The following AQP1 variants were observed in gnomAD, a reference collection of about 807,000 sequenced individuals.
AQP1 encodes aquaporin 1 (Colton blood group), also known as aquaporin-1.
AQP1 carries 11 observed loss-of-function variants against 19.7 expected under a neutral mutation model. That is an observed-to-expected ratio of 0.56 (90% CI 0.35 to 0.92). The LOEUF is 0.92. Among genes scored for constraint, AQP1 ranks in the 40% least tolerant of loss-of-function variants. The pLI, the probability that AQP1 is intolerant of heterozygous loss-of-function variation, is 0.01. For missense variants in AQP1, 320 were observed against 369.7 expected, an observed-to-expected ratio of 0.87 and a Z score of 1.10; for synonymous variants, 159 against 166.7, an observed-to-expected ratio of 0.95 and a Z score of 0.36.
intron 1 of AQP1, among the ~76,000 whole-genome samples, chr7:30,916,387 A>G (rs747094264): frequency 9.2e-5 from 14 of 152,268 alleles, no homozygotes; most frequent in Non-Finnish European, 1.9e-4. Context: ...AGCAGGGGCC[A>G]TGGCCCTTAC....
rs563208076 is a variant in AQP1, at chr7:30,923,365, G to A, written c.631-85G>A. 6.9e-6 allele frequency: 11 copies of A among 1,602,088 alleles called. No homozygotes were observed. In the African/African-American group the frequency reaches 1.3e-4, roughly 19 times the overall value. On this transcript the variant is annotated intron_variant, in intron 3 of 3. Coordinates refer to ENST00000311813, the MANE Select transcript of AQP1 (RefSeq NM_198098.4). The surrounding 1 kb of genome is among the most constrained non-coding windows in gnomAD (Gnocchi z 4.8). ...CCAGGTGGGAAAAACCTGTCCAACG[G>A]GGTGGTGGGCTGTGGGGTAACCTAG...
Position 30,912,064 on chromosome 7 carries a change from T to C in AQP1, c.155T>C (p.Val52Ala). ...ACGGCGGTCCAGGACAACGTGAAGG[T>C]GTCGCTGGCCTTCGGGCTGAGCATC... ...NQTAVQDNVKVSLAFGLSIAT... is the reference protein window; with the variant it reads ...NQTAVQDNVKASLAFGLSIAT... The change falls in exon 1 of 4, where the codon GTG becomes GCG. Residue 52 changes from valine (V) to alanine (A), a missense_variant. Val to Ala is a moderately conservative substitution (Grantham distance 64). Transcript: ENST00000311813. The surrounding 1 kb of genome is among the most constrained non-coding windows in gnomAD (Gnocchi z 4.3). 1 of 1,613,360 alleles carries C rather than the reference T, an allele frequency of 6.2e-7. No individual in the cohort carries two copies. Among genetic ancestry groups the C allele is most frequent in the Non-Finnish European group, 8.5e-7 (1 of 1,180,008 alleles).
Position 30,912,216 on chromosome 7 carries a change from G to T in AQP1, c.307G>T (p.Val103Leu), listed in dbSNP as rs762474222. The T allele has an allele frequency of 1.2e-6, 2 of 1,610,862 alleles. No homozygotes were observed. Among genetic ancestry groups the T allele is most frequent in the Non-Finnish European group, 1.7e-6 (2 of 1,179,992 alleles). Residue 103 changes from valine to leucine, a missense_variant, in exon 1 of 4, where the codon GTG (valine) becomes TTG (leucine). By Grantham distance (32) the Val-to-Leu change is conservative. Transcript: ENST00000311813. This position sits in a 1 kb window ranked among gnomAD's most constrained non-coding sequence, Gnocchi z 4.3. ...RALMYIIAQC[V>L]GAIVATAILS... ...CCTCATGTACATCATCGCCCAGTGC[G>T]TGGGGGCCATCGTCGCCACCGCCAT...
rs963825730 is a variant in AQP1 at position 30,921,684 on chromosome 7, T to A, written c.385-382T>A. The A allele has an allele frequency of 4.5e-6, 7 of 1,550,918 alleles. No homozygotes were observed. In the South Asian group the frequency reaches 8.3e-5, roughly 18 times the overall value. On this transcript the variant is annotated intron_variant, in intron 1 of 3. Transcript: ENST00000311813. ...CTTTTTGCATCTCTTCTCCTAGGAG[T>A]GCTCCTGACCATCACCTTCATGCCT...
Position 30,923,413 on chromosome 7 carries a change from G to T in AQP1, c.631-37G>T. 6.2e-7 allele frequency: 1 copy of T among 1,613,184 alleles called. No individual in the cohort carries two copies. The highest frequency in any genetic ancestry group is 1.1e-5 in the South Asian group (1 of 90,952). ...TAGGGAACGCTTCCCAGGGGCTTTT[G>T]AGTGGAGCCCTCTGAACACACCTGC... On this transcript the variant is annotated intron_variant, in intron 3 of 3. Coordinates refer to ENST00000311813, the MANE Select transcript of AQP1 (RefSeq NM_198098.4). This position sits in a 1 kb window ranked among gnomAD's most constrained non-coding sequence, Gnocchi z 4.8.
At chr7:30,921,906 G>A (rs1298020980) in intron 1 of AQP1, 160 bp from the exon 2 acceptor site, 1 of 1,528,928 alleles carries the variant, frequency 6.5e-7, no homozygotes, top group African/African-American at 1.4e-5. Flanking sequence ...TCCACTACCT[G>A]CCGTGTAGGC....
rs915102529 is a variant in AQP1 at position 30,921,841 on chromosome 7, A to G, written c.385-225A>G. 1.9e-5 allele frequency: 29 copies of G among 1,547,008 alleles called. No homozygotes were observed. In the African/African-American group the frequency reaches 3.4e-4, roughly 18 times the overall value. ...GAGTGGGGCCTGGGTCTAGGCAGGT[A>G]TTAGGGGCTGGGCTGGAGTTTCATT... is the stretch of plus-strand genomic sequence containing the variant. On this transcript the variant is annotated intron_variant, in intron 1 of 3. Coordinates refer to ENST00000311813, the MANE Select transcript of AQP1 (RefSeq NM_198098.4).
At position 30,922,086 on chromosome 7, in the gene AQP1, G is replaced by C. The variant is rs117434085; in HGVS notation, c.405G>C (p.Ser135=). Reference sequence around the variant, plus strand: ...TGCAGCTGGCTGATGGTGTGAACTCGGGCCAGGGCCTGGGCATCGAGATCA... The same window carrying C: ...TGCAGCTGGCTGATGGTGTGAACTCCGGCCAGGGCCTGGGCATCGAGATCA... ...GRNDLADGVN[S]GQGLGIEIIG... is the part of the protein sequence containing the mutation. The change falls in exon 2 of 4, where the codon TCG becomes TCC. Residue 135 remains serine (S), a synonymous_variant. Coordinates refer to ENST00000311813, the MANE Select transcript of AQP1 (RefSeq NM_198098.4). 2 of 1,614,028 alleles carry C rather than the reference G, an allele frequency of 1.2e-6. No homozygotes were observed. Among genetic ancestry groups the C allele is most frequent in the Non-Finnish European group, 1.7e-6 (2 of 1,180,018 alleles).
intron 1 of AQP1, 181 bp from the exon 2 acceptor site, chr7:30,921,885 A>G (rs780147990): frequency 2.3e-5 from 35 of 1,530,874 alleles, no homozygotes; most frequent in Non-Finnish European, 2.9e-5. Context: ...GGGTGGGTTC[A>G]AGGCCTGATT....
At chr7:30,918,499 GC>G (rs1226312869) in intron 1 of AQP1, among the ~76,000 whole-genome samples, 2 of 152,194 alleles carry the variant, frequency 1.3e-5, no homozygotes, top group Non-Finnish European at 1.5e-5. Flanking sequence ...ACACTCTGGA[GC>G]CCACATAGGT....
chr7:30,915,005 C>T (rs551161360), intron 1 of AQP1, among the ~76,000 whole-genome samples: 95 of 152,188 alleles, frequency 6.2e-4, no homozygotes, highest in Non-Finnish European at 1.1e-3. Context: ...CTCACCTGTC[C>T]CTGTCCTAGC....
chr7:30,920,593 G>T (rs1037105909), intron 1 of AQP1, among the ~76,000 whole-genome samples: 1 of 152,254 alleles, frequency 6.6e-6, no homozygotes, highest in African/African-American at 2.4e-5. Flanking sequence ...CCTCCCAGCT[G>T]CTCTGGAGAG....
At chr7:30,915,431 C>G (rs1791317993) in intron 1 of AQP1, among the ~76,000 whole-genome samples, 1 of 152,172 alleles carries the variant, frequency 6.6e-6, no homozygotes, top group Non-Finnish European at 1.5e-5. Flanking sequence ...TCGTAGGAGC[C>G]TGAATGTGGA....
chr7:30,915,673 C>T (rs1016306415), intron 1 of AQP1, among the ~76,000 whole-genome samples: 4 of 152,174 alleles, frequency 2.6e-5, no homozygotes, highest in African/African-American at 4.8e-5. Flanking sequence ...CTACCCTCTT[C>T]GGGGTCTTCT....
chr7:30,922,222 C>T lies in AQP1; in HGVS notation c.541C>T (p.Leu181Phe). 2.5e-6 allele frequency: 4 copies of T among 1,603,550 alleles called. No individual in the cohort carries two copies. The highest frequency in any genetic ancestry group is 3.4e-6 in the Non-Finnish European group (4 of 1,178,560). The change falls in exon 2 of 4, where the codon CTC (leucine) becomes TTC (phenylalanine). Residue 181 changes from leucine to phenylalanine, a missense_variant. Leu to Phe is a conservative substitution (Grantham distance 22). Transcript: ENST00000311813. The stretch of plus-strand genomic sequence containing the variant: ...CGGCCTCTCTGTAGCCCTTGGACAC[C>T]TCCTGGCTGTGAGTCAGGGGCCCTC... ...AIGLSVALGH[L>F]LAIDYTGCGI...
At position 30,923,377 on chromosome 7, in the gene AQP1, G is replaced by A; in HGVS notation, c.631-73G>A. 2 of 1,607,716 alleles carry A rather than the reference G, an allele frequency of 1.2e-6. No individual in the cohort carries two copies. The highest frequency in any genetic ancestry group is 8.5e-7 in the Non-Finnish European group (1 of 1,177,298). On this transcript the variant is annotated intron_variant, in intron 3 of 3. Transcript: ENST00000311813. The surrounding 1 kb of genome is among the most constrained non-coding windows in gnomAD (Gnocchi z 4.8). Reference sequence around the variant, plus strand: ...AACCTGTCCAACGGGGTGGTGGGCTGTGGGGTAACCTAGGGAACGCTTCCC... The same window carrying A: ...AACCTGTCCAACGGGGTGGTGGGCTATGGGGTAACCTAGGGAACGCTTCCC...
At position 30,912,362 on chromosome 7, in the gene AQP1, G is replaced by A; in HGVS notation, c.384+69G>A. 5 of 1,565,868 alleles carry A rather than the reference G, an allele frequency of 3.2e-6. No individual in the cohort carries two copies. Among genetic ancestry groups the A allele is most frequent in the Non-Finnish European group, 4.3e-6 (5 of 1,159,402 alleles). On this transcript the variant is annotated intron_variant, in intron 1 of 3. Coordinates refer to ENST00000311813, the MANE Select transcript of AQP1 (RefSeq NM_198098.4). This position sits in a 1 kb window ranked among gnomAD's most constrained non-coding sequence, Gnocchi z 4.3. ...CTGAAAGGCACTGGTTCCATCCTCT[G>A]CCCATTGTGCAGATGGGGACACTGA...
chr7:30,923,784 G>C lies in AQP1; in HGVS notation c.*155G>C. ...CTGCATGGTCAAGCCTCTTATGGGG[G>C]TGTTTCTATCTCTTTCTTTCTCTTT... On this transcript the variant is annotated 3_prime_UTR_variant, in exon 4 of 4. Coordinates refer to ENST00000311813, the MANE Select transcript of AQP1 (RefSeq NM_198098.4). This position sits in a 1 kb window ranked among gnomAD's most constrained non-coding sequence, Gnocchi z 4.8. The C allele has an allele frequency of 1.3e-6, 2 of 1,512,800 alleles. No homozygotes were observed. Among genetic ancestry groups the C allele is most frequent in the Non-Finnish European group, 1.8e-6 (2 of 1,128,746 alleles). The allele number at this position is 1,512,800 out of a possible 1,614,324, so 93.7% of individuals were successfully genotyped here.
chr7:30,912,054 A>C lies in AQP1; in HGVS notation c.145A>C (p.Asn49His). 1.2e-6 allele frequency: 2 copies of C among 1,613,470 alleles called. No individual in the cohort carries two copies. Among genetic ancestry groups the C allele is most frequent in the South Asian group, 2.2e-5 (2 of 91,082 alleles). Residue 49 changes from asparagine (N) to histidine (H), a missense_variant, in exon 1 of 4, where the codon AAC becomes CAC. Coordinates refer to ENST00000311813, the MANE Select transcript of AQP1 (RefSeq NM_198098.4). The surrounding 1 kb of genome is among the most constrained non-coding windows in gnomAD (Gnocchi z 4.3). ...GAACAACCAGACGGCGGTCCAGGAC[A>C]ACGTGAAGGTGTCGCTGGCCTTCGG... ...VGNNQTAVQD[N>H]VKVSLAFGLS...
Sources: allele counts gnomAD v4.1 joint callset (sites outside exome capture counted in the v4.1 genomes callset), GRCh38; gene constraint gnomAD v4.1.1; non-coding constraint Gnocchi (gnomAD v3.1); transcripts MANE v1.5; gene names NCBI Gene and HGNC (gene_info 2026-07-23, HGNC 2026-07-21).